The following STIM1 variants were observed in gnomAD, a reference collection of about 807,000 sequenced individuals.
The protein encoded by STIM1 is stromal interaction molecule 1.
Under a neutral mutation model 74.7 loss-of-function variants are expected in STIM1, and 25 were observed. The ratio of observed to expected loss-of-function variants is 0.33; its 90% CI spans 0.24 to 0.47. STIM1 has a LOEUF of 0.47. Among genes scored for constraint, STIM1 ranks in the 20% least tolerant of loss-of-function variants. The pLI, the probability that STIM1 is intolerant of heterozygous loss-of-function variation, is 1.00. For synonymous variants in STIM1, 328 were observed against 348.8 expected, an observed-to-expected ratio of 0.94 and a Z score of 0.66; for missense variants, 728 against 920.8, an observed-to-expected ratio of 0.79 and a Z score of 2.71.
At chr11:3,975,573 G>A (rs151130568) in intron 2 of STIM1, among the ~76,000 whole-genome samples, 52 of 152,062 alleles carry the variant, frequency 3.4e-4, no homozygotes, top group African/African-American at 1.1e-3. Context: ...AGTGGAGATC[G>A]CACCACTGCA....
chr11:4,004,088 A>G (rs1047426511), intron 2 of STIM1, among the ~76,000 whole-genome samples: 4 of 152,216 alleles, frequency 2.6e-5, no homozygotes, highest in African/African-American at 7.2e-5. Flanking sequence ...ATGAAATAAA[A>G]GAGGATACAA....
intron 3 of STIM1, among the ~76,000 whole-genome samples, chr11:4,051,926 A>T (rs1000635772): frequency 6.6e-6 from 1 of 152,234 alleles, no homozygotes; most frequent in South Asian, 2.1e-4. Flanking sequence ...TACAAAATCA[A>T]TGTGCAAAAA....
chr11:3,900,137 G>A (rs2092309986), intron 1 of STIM1, among the ~76,000 whole-genome samples: 1 of 152,120 alleles, frequency 6.6e-6, no homozygotes, highest in South Asian at 2.1e-4. Flanking sequence ...CCTGGGCAAT[G>A]GCAGACGACC....
chr11:4,023,854 G>C lies in STIM1; in HGVS notation c.271-19G>C. ...GACTCCTAGGTATCTCTTGTGACTT[G>C]TGTACTTTTCCCTTGCAGTTCCTGA... On this transcript the variant is annotated intron_variant, in intron 2 of 12. Transcript: ENST00000526596. The C allele has an allele frequency of 1.2e-6, 2 of 1,602,486 alleles. No homozygotes were observed. The highest frequency in any genetic ancestry group is 2.2e-5 in the South Asian group (2 of 90,834).
intron 5 of STIM1, among the ~76,000 whole-genome samples, chr11:4,066,829 T>C (rs1272570513): frequency 6.6e-6 from 1 of 152,188 alleles, no homozygotes; most frequent in African/African-American, 2.4e-5. Context: ...GAGAAGACAG[T>C]AGGAATTGAA....
chr11:3,938,210 T>C (rs772276697), intron 1 of STIM1, among the ~76,000 whole-genome samples: 1 of 152,164 alleles, frequency 6.6e-6, no homozygotes, highest in Non-Finnish European at 1.5e-5. Context: ...AGTGCTGGGA[T>C]TACAGGCATG....
At chr11:4,056,422 T>C (rs940014398) in intron 4 of STIM1, among the ~76,000 whole-genome samples, 1 of 152,236 alleles carries the variant, frequency 6.6e-6, no homozygotes, top group Non-Finnish European at 1.5e-5. Context: ...AAATATTTAC[T>C]GGGTACCTGC....
intron 1 of STIM1, among the ~76,000 whole-genome samples, chr11:3,886,638 A>C (rs1344220945): frequency 7.0e-6 from 1 of 143,616 alleles, no homozygotes; most frequent in Non-Finnish European, 1.5e-5. Flanking sequence ...CAGTGAGCAG[A>C]CATCACGCCA....
intron 1 of STIM1, among the ~76,000 whole-genome samples, chr11:3,879,737 T>A (rs957059351): frequency 6.6e-6 from 1 of 152,246 alleles, no homozygotes; most frequent in African/African-American, 2.4e-5. Flanking sequence ...GAATTTTATC[T>A]GCAGGCTCTT....
At chr11:4,057,686 T>C (rs905012670) in intron 4 of STIM1, among the ~76,000 whole-genome samples, 2 of 152,002 alleles carry the variant, frequency 1.3e-5, no homozygotes, top group Admixed American at 6.6e-5. Context: ...CTGGCTAACA[T>C]GGTGAAACCC....
At chr11:4,064,635 T>G (rs2094353725) in intron 5 of STIM1, among the ~76,000 whole-genome samples, 1 of 152,218 alleles carries the variant, frequency 6.6e-6, no homozygotes, top group Admixed American at 6.5e-5. Context: ...GAGGGTCTGC[T>G]GAGGGAACAG....
chr11:3,903,947 C>T (rs1446377439), intron 1 of STIM1, among the ~76,000 whole-genome samples: 2 of 152,036 alleles, frequency 1.3e-5, no homozygotes, highest in Non-Finnish European at 2.9e-5. Flanking sequence ...GCCTGTAATC[C>T]CAGCACTTTG....
intron 1 of STIM1, among the ~76,000 whole-genome samples, chr11:3,938,867 T>C (rs949254987): frequency 1.3e-5 from 2 of 152,152 alleles, no homozygotes; most frequent in Non-Finnish European, 2.9e-5. Flanking sequence ...TTTAAGACCA[T>C]CATCCAGAAT....
At chr11:3,901,995 T>C (rs1264543205) in intron 1 of STIM1, among the ~76,000 whole-genome samples, 3 of 152,202 alleles carry the variant, frequency 2.0e-5, no homozygotes, top group Non-Finnish European at 4.4e-5. Context: ...CTCGAACTCG[T>C]GAGCTCAAGC....
chr11:3,927,989 G>T (rs939371298), intron 1 of STIM1, among the ~76,000 whole-genome samples: 1 of 152,138 alleles, frequency 6.6e-6, no homozygotes, highest in South Asian at 2.1e-4. Flanking sequence ...TTTAAACTTT[G>T]TTGGCTTCTT....
chr11:4,023,093 G>T (rs777036323), intron 2 of STIM1, among the ~76,000 whole-genome samples: 1 of 152,166 alleles, frequency 6.6e-6, no homozygotes, highest in Non-Finnish European at 1.5e-5. Flanking sequence ...CACTTTCGGA[G>T]ACCGAGATGG....
intron 3 of STIM1, among the ~76,000 whole-genome samples, chr11:4,039,037 C>T (rs533759611): frequency 6.6e-6 from 1 of 152,256 alleles, no homozygotes; most frequent in South Asian, 2.1e-4. Context: ...TCGGATAACC[C>T]TTCAGCTTGT....
At position 4,018,473 on chromosome 11, in the gene STIM1, A is replaced by C. The variant is rs1231956069; in HGVS notation, c.271-5400A>C. On this transcript the variant is annotated intron_variant, in intron 2 of 12. Coordinates refer to ENST00000526596, the MANE Select transcript of STIM1 (RefSeq NM_001382567.1). ...GACTCCGTCTCAAAAAAAAAAAAAA[A>C]AAAAAAAAAAAAACAAACAAAATTA... Among the ~76,000 whole-genome samples, 137 of 147,008 alleles carry C rather than the reference A, an allele frequency of 9.3e-4. 2 individuals are homozygous for C. Among genetic ancestry groups the C allele is most frequent in the African/African-American group, 2.9e-3 (116 of 40,060 alleles).
intron 12 of STIM1, among the ~76,000 whole-genome samples, chr11:4,090,059 T>C (rs2094514889): frequency 6.6e-6 from 1 of 152,198 alleles, no homozygotes; most frequent in Non-Finnish European, 1.5e-5. Context: ...CCTGTGTGTG[T>C]GCATGTCCAG....
Sources: gnomAD v4.1 joint callset for allele counts (sites outside exome capture counted in the v4.1 genomes callset) on GRCh38, gnomAD v4.1.1 for gene constraint, MANE v1.5 for transcripts, NCBI Gene and HGNC (gene_info 2026-07-23, HGNC 2026-07-21) for gene names.